The following ELMO1 variants were observed in gnomAD, a reference collection of about 807,000 sequenced individuals.
ELMO1 encodes engulfment and cell motility 1.
Under a neutral mutation model 98.9 loss-of-function variants are expected in ELMO1, and 26 were observed. That is an observed-to-expected ratio of 0.26 (90% CI 0.19 to 0.36). The LOEUF is 0.36. ELMO1 is among the 10% of genes least tolerant of loss of function. The pLI is 1.00. For missense variants in ELMO1, 627 were observed against 935.2 expected, an observed-to-expected ratio of 0.67 and a Z score of 4.30; for synonymous variants, 346 against 346.0, an observed-to-expected ratio of 1.00 and a Z score of 0.00.
At chr7:36,970,183 ACAC>A (rs1489487524) in intron 16 of ELMO1, among the ~76,000 whole-genome samples, 1 of 38,498 alleles carries the variant, frequency 2.6e-5, no homozygotes, top group Non-Finnish European at 6.5e-5. Flanking sequence ...TACACTTAAC[ACAC>A]ACACACACAC....
intron 16 of ELMO1, among the ~76,000 whole-genome samples, chr7:37,003,732 C>G (rs1170240361): frequency 3.3e-5 from 5 of 152,220 alleles, no homozygotes; most frequent in Non-Finnish European, 7.3e-5. Flanking sequence ...TATATTTTAA[C>G]TACCAAGCAC....
rs1792331819 is a variant in ELMO1 at position 37,202,101 on chromosome 7, T to C, written c.1086+9285A>G. ...GAGCACCCCGGGACCTCCTGCATTC[T>C]ATATAGCTATAACTGTATAAGATTT... On this transcript the variant is annotated intron_variant, in intron 13 of 21. Coordinates refer to ENST00000310758, the MANE Select transcript of ELMO1 (RefSeq NM_014800.11). Among the ~76,000 whole-genome samples the C allele has an allele frequency of 2.0e-5, 3 of 152,374 alleles. No homozygotes were observed. In the South Asian group the frequency reaches 6.2e-4, roughly 32 times the overall value.
chr7:37,108,688 G>C (rs1320602546), intron 14 of ELMO1, among the ~76,000 whole-genome samples: 1 of 152,162 alleles, frequency 6.6e-6, no homozygotes, highest in East Asian at 1.9e-4. Flanking sequence ...TCAACCCCTT[G>C]AGGTTGGGAA....
chr7:37,028,318 A>C (rs754849370), intron 15 of ELMO1, among the ~76,000 whole-genome samples: 3 of 152,180 alleles, frequency 2.0e-5, no homozygotes, highest in Non-Finnish European at 4.4e-5. Flanking sequence ...ATTTGCCGTG[A>C]TTTTTAAAAA....
At chr7:37,083,534 A>G (rs564601336) in intron 15 of ELMO1, among the ~76,000 whole-genome samples, 2 of 152,184 alleles carry the variant, frequency 1.3e-5, no homozygotes, top group South Asian at 2.1e-4. Context: ...TTCTTCAGGG[A>G]AAAAAAATGT....
chr7:37,046,826 T>C (rs1236409940), intron 15 of ELMO1, among the ~76,000 whole-genome samples: 2 of 152,164 alleles, frequency 1.3e-5, no homozygotes, highest in Non-Finnish European at 2.9e-5. Context: ...GATTTTTTCT[T>C]AAGGGAACCT....
intron 5 of ELMO1, among the ~76,000 whole-genome samples, chr7:37,264,432 T>G (rs1046014237): frequency 2.0e-5 from 3 of 152,198 alleles, no homozygotes; most frequent in Non-Finnish European, 4.4e-5. Context: ...TGAATTGTAA[T>G]ATTCTAAACA....
At chr7:37,269,677 C>G (rs1026062832) in intron 5 of ELMO1, 1 of 152,142 alleles carries the variant, frequency 6.6e-6, no homozygotes, top group African/African-American at 2.4e-5. Context: ...ATCTCCTGAC[C>G]TGGTGATCCG....
At chr7:37,064,557 G>C in intron 15 of ELMO1, among the ~76,000 whole-genome samples, 1 of 152,190 alleles carries the variant, frequency 6.6e-6, no homozygotes, top group East Asian at 1.9e-4. Context: ...GCTGTTACAG[G>C]AAATAATACG....
intron 16 of ELMO1, among the ~76,000 whole-genome samples, chr7:36,966,380 AC>A (rs1290072916): frequency 5.3e-5 from 8 of 152,198 alleles, no homozygotes; most frequent in Non-Finnish European, 1.0e-4. Flanking sequence ...GAATATTAAG[AC>A]CACGGGTTTT....
rs368233731 is a variant in ELMO1, at chr7:37,112,552, T to G, written c.1192-15825A>C. Among the ~76,000 whole-genome samples, 15 of 152,292 alleles carry G rather than the reference T, an allele frequency of 9.8e-5. No homozygotes were observed. The East Asian group carries it at 1.5e-3, about 16-fold the overall frequency. On this transcript the variant is annotated intron_variant, in intron 14 of 21. Coordinates refer to ENST00000310758, the MANE Select transcript of ELMO1 (RefSeq NM_014800.11). ...AATGACATTAACCGGAGTCTTAGATTTGAAAAGTCTCCAGGTATCAGGACC... is the reference window on the plus strand; with the variant it reads ...AATGACATTAACCGGAGTCTTAGATGTGAAAAGTCTCCAGGTATCAGGACC...
At chr7:37,344,058 G>T (rs1375420821) in intron 1 of ELMO1, among the ~76,000 whole-genome samples, 31 of 116,366 alleles carry the variant, frequency 2.7e-4, no homozygotes, top group Admixed American at 1.1e-3. Context: ...TTGAGACAGA[G>T]TCTCCCTCTG....
At chr7:37,428,881 G>A (rs1804814852) in intron 1 of ELMO1, among the ~76,000 whole-genome samples, 2 of 152,214 alleles carry the variant, frequency 1.3e-5, no homozygotes, top group African/African-American at 4.8e-5. Flanking sequence ...TTGGCAGAGT[G>A]TGTAGCTCAG....
At chr7:37,068,357 A>G (rs1797092300) in intron 15 of ELMO1, among the ~76,000 whole-genome samples, 1 of 152,188 alleles carries the variant, frequency 6.6e-6, no homozygotes, top group Admixed American at 6.5e-5. Context: ...TTGGCACTTT[A>G]CCTATTCTTA....
chr7:37,281,032 CAT>C (rs762551389), intron 4 of ELMO1, among the ~76,000 whole-genome samples: 1 of 150,608 alleles, frequency 6.6e-6, no homozygotes, highest in African/African-American at 2.4e-5. Flanking sequence ...TATACACACA[CAT>C]ATGATGGAAT....
intron 19 of ELMO1, 80 bp downstream of exon 19, chr7:36,877,930 A>AG: frequency 9.2e-7 from 1 of 1,082,748 alleles, no homozygotes. Flanking sequence ...TTAGGCTGAT[A>AG]GTTCTGTTGC....
chr7:37,337,488 G>A (rs903962233), intron 2 of ELMO1, among the ~76,000 whole-genome samples: 39 of 148,572 alleles, frequency 2.6e-4, no homozygotes, highest in Non-Finnish European at 2.5e-4. Flanking sequence ...TAACTAACCC[G>A]CACGTTGTGC....
chr7:37,012,159 T>G, intron 16 of ELMO1, among the ~76,000 whole-genome samples: 1 of 152,314 alleles, frequency 6.6e-6, no homozygotes. Flanking sequence ...GTGAGATCAC[T>G]GTGCTGAGGA....
At chr7:37,205,072 C>A (rs1481425268) in intron 13 of ELMO1, among the ~76,000 whole-genome samples, 1 of 152,190 alleles carries the variant, frequency 6.6e-6, no homozygotes, top group Non-Finnish European at 1.5e-5. Context: ...AACCCAGAAG[C>A]CCAGCCGGCT....
Sources: gnomAD v4.1 joint callset for allele counts (sites outside exome capture counted in the v4.1 genomes callset) on GRCh38, gnomAD v4.1.1 for gene constraint, MANE v1.5 for transcripts, NCBI Gene and HGNC (gene_info 2026-07-23, HGNC 2026-07-21) for gene names.